SPATA16: variants seen among roughly 807,000 people sequenced by gnomAD.
The protein encoded by SPATA16 is spermatogenesis associated 16.
A neutral mutation model predicts 63.3 loss-of-function variants in SPATA16; 36 were observed. The observed-to-expected ratio is 0.57, with a 90% confidence interval of 0.44 to 0.75. The LOEUF (loss-of-function observed/expected upper bound fraction) is 0.75, where lower values mean the gene tolerates loss of function less well. SPATA16 is among the 30% of genes least tolerant of loss of function. The pLI is 0.00. For synonymous variants in SPATA16, 203 were observed against 216.7 expected (o/e 0.94, Z 0.56); for missense variants, 646 against 679.3 (o/e 0.95, Z 0.54).
chr3:172,997,359 A>G (rs1253192759), intron 4 of SPATA16, among the ~76,000 whole-genome samples: 3 of 152,090 alleles, frequency 2.0e-5, no homozygotes, highest in African/African-American at 4.8e-5. Flanking sequence ...CATTTCCCTG[A>G]TGACATATGA....
chr3:173,095,679 T>C (rs1560121318), intron 2 of SPATA16, among the ~76,000 whole-genome samples: 1 of 152,174 alleles, frequency 6.6e-6, no homozygotes, highest in Admixed American at 6.6e-5. Flanking sequence ...AAATACATAG[T>C]AGGAAGACTC....
At position 172,890,427 on chromosome 3, in the gene SPATA16, G is replaced by A. The variant is rs370641423; in HGVS notation, c.1588-735C>T. Among the ~76,000 whole-genome samples the A allele has an allele frequency of 6.6e-5, 10 of 152,212 alleles. 1 individual carries two copies. Among genetic ancestry groups the A allele is most frequent in the South Asian group, 2.1e-4 (1 of 4,824 alleles). The stretch of plus-strand genomic sequence containing the variant: ...TTCTCATGAAAGTCAGTAGATATAC[G>A]ATTCATACTTAACCCTGACTCCTAG... On this transcript the variant is annotated intron_variant, in intron 10 of 10. Coordinates refer to ENST00000351008, the MANE Select transcript of SPATA16 (RefSeq NM_031955.6).
chr3:172,944,170 A>G (rs1265637854), intron 6 of SPATA16, among the ~76,000 whole-genome samples: 1 of 152,226 alleles, frequency 6.6e-6, no homozygotes, highest in African/African-American at 2.4e-5. Context: ...AAACAGCAAC[A>G]AAAAACAACT....
At chr3:172,892,175 T>C (rs771680069) in intron 10 of SPATA16, among the ~76,000 whole-genome samples, 13 of 152,226 alleles carry the variant, frequency 8.5e-5, no homozygotes, top group Non-Finnish European at 1.6e-4. Context: ...CACCATTCTT[T>C]TACCATTGTT....
Position 173,098,833 on chromosome 3 carries a change from G to T in SPATA16, c.612+18287C>A, listed in dbSNP as rs999243102. 2.6e-5 allele frequency among the ~76,000 whole-genome samples: 4 copies of T among 152,172 alleles called. No individual in the cohort carries two copies. In the East Asian group the frequency reaches 7.7e-4, roughly 29 times the overall value. On this transcript the variant is annotated intron_variant, in intron 2 of 10. Coordinates refer to ENST00000351008, the MANE Select transcript of SPATA16 (RefSeq NM_031955.6). ...TCTGATAGAATGCAGCATTAAAGCC[G>T]CCCATATGATCACTAAAGGATTACA...
intron 4 of SPATA16, among the ~76,000 whole-genome samples, chr3:173,010,212 C>T (rs1735033822): frequency 6.6e-6 from 1 of 152,210 alleles, no homozygotes; most frequent in African/African-American, 2.4e-5. Context: ...TGGGACACAA[C>T]GGACAGACCT....
intron 4 of SPATA16, among the ~76,000 whole-genome samples, chr3:172,999,135 T>C (rs1422272218): frequency 6.6e-6 from 1 of 152,210 alleles, no homozygotes; most frequent in East Asian, 1.9e-4. Flanking sequence ...CCTTATGTGT[T>C]TGTTAGAATT....
At position 173,088,078 on chromosome 3, in the gene SPATA16, CT is replaced by C. The variant is rs34877172; in HGVS notation, c.612+29041del. 1.5e-4 allele frequency among the ~76,000 whole-genome samples: 11 copies of C among 73,912 alleles called. No homozygotes were observed. The East Asian group carries it at 2.8e-3, about 19-fold the overall frequency. 48.5% of individuals were successfully genotyped at this position (73,912 alleles called of 152,430 possible). A position where few individuals can be genotyped will look rare whatever the true frequency, so the allele number is the denominator to read the frequency against. On this transcript the variant is annotated intron_variant, in intron 2 of 10. Coordinates refer to ENST00000351008, the MANE Select transcript of SPATA16 (RefSeq NM_031955.6). ...TCTTTCTTTCTTTCTTTCTTTCTTT[CT>C]GTCTTTTCTTTTTTTTTTTTTTTTG...
rs1359717549 is a variant in SPATA16 at position 173,117,421 on chromosome 3, T to C, written c.311A>G (p.Asp104Gly). ...CAGAGGCATGGTGATTAACTGATTG[T>C]CAAGTTCTGTTATCTTTGCCTGTTT... The part of the protein sequence containing the change: ...RKKQAKITEL[D>G]NQLITMPLPH... Residue 104 changes from aspartate (D) to glycine (G), a missense_variant, in exon 2 of 11, where the codon GAC becomes GGC. Coordinates refer to ENST00000351008, the MANE Select transcript of SPATA16 (RefSeq NM_031955.6). 2.5e-6 allele frequency: 4 copies of C among 1,614,060 alleles called. No homozygotes were observed. The Admixed American group carries it at 5.0e-5, about 20-fold the overall frequency.
In SPATA16 at chr3:173,072,656, CAT is replaced by C. The variant is rs942788868; in HGVS notation, c.613-23564_613-23563del. On this transcript the variant is annotated intron_variant, in intron 2 of 10. Transcript: ENST00000351008. ...ACCATGATTGTGAGGCCTCCCCAGA[CAT>C]GTGGAACTGTGAGTCCACTAGATCT... 9.8e-5 allele frequency among the ~76,000 whole-genome samples: 15 copies of C among 152,334 alleles called. No homozygotes were observed. The East Asian group carries it at 2.7e-3, about 27-fold the overall frequency.
intron 2 of SPATA16, among the ~76,000 whole-genome samples, chr3:173,062,515 A>C (rs1736403242): frequency 6.6e-6 from 1 of 152,162 alleles, no homozygotes; most frequent in African/African-American, 2.4e-5. Context: ...AAATATATAC[A>C]CGGTATCTTA....
chr3:172,999,881 T>A (rs1734777563), intron 4 of SPATA16, among the ~76,000 whole-genome samples: 1 of 152,228 alleles, frequency 6.6e-6, no homozygotes, highest in South Asian at 2.1e-4. Flanking sequence ...TCTATTCATA[T>A]CTTATATTTA....
intron 8 of SPATA16, among the ~76,000 whole-genome samples, chr3:172,917,756 T>C (rs1285317756): frequency 6.6e-6 from 1 of 152,238 alleles, no homozygotes; most frequent in African/African-American, 2.4e-5. Context: ...GGCAGACATA[T>C]AATTTCACTT....
intron 6 of SPATA16, among the ~76,000 whole-genome samples, chr3:172,947,916 G>C (rs1035338855): frequency 9.2e-5 from 14 of 152,110 alleles, no homozygotes; most frequent in African/African-American, 3.1e-4. Context: ...TGTACATTCT[G>C]CACATGTATC....
intron 6 of SPATA16, among the ~76,000 whole-genome samples, chr3:172,930,199 T>C (rs1315130682): frequency 6.6e-6 from 1 of 152,230 alleles, no homozygotes. Flanking sequence ...TCGATGAATA[T>C]TTTTGATACA....
At chr3:172,900,868 C>T (rs1732114071) in intron 10 of SPATA16, among the ~76,000 whole-genome samples, 2 of 151,950 alleles carry the variant, frequency 1.3e-5, no homozygotes, top group South Asian at 2.1e-4. Flanking sequence ...GTCTCGAACT[C>T]CTGACCTCAT....
chr3:173,063,539 A>C (rs974254594), intron 2 of SPATA16, among the ~76,000 whole-genome samples: 41 of 152,346 alleles, frequency 2.7e-4, no homozygotes, highest in African/African-American at 8.9e-4. Flanking sequence ...CTATCATGCC[A>C]GAACCGCCAG....
chr3:173,082,303 C>T (rs937529810), intron 2 of SPATA16, among the ~76,000 whole-genome samples: 1 of 152,152 alleles, frequency 6.6e-6, no homozygotes, highest in African/African-American at 2.4e-5. Flanking sequence ...TCAAAACCAC[C>T]TGGAAAACTA....
intron 2 of SPATA16, among the ~76,000 whole-genome samples, chr3:173,092,045 GCA>G (rs1420240917): frequency 6.6e-6 from 1 of 152,096 alleles, no homozygotes; most frequent in Non-Finnish European, 1.5e-5. Context: ...TTCCTCTCCT[GCA>G]CAATCCTTGT....
Sources: allele counts gnomAD v4.1 joint callset (sites outside exome capture counted in the v4.1 genomes callset), GRCh38; gene constraint gnomAD v4.1.1; transcripts MANE v1.5; gene names NCBI Gene and HGNC (gene_info 2026-07-23, HGNC 2026-07-21).